The following PRKAG2 variants were observed in gnomAD, a reference collection of about 807,000 sequenced individuals.
PRKAG2 encodes 5'-AMP-activated protein kinase subunit gamma-2.
A neutral mutation model predicts 69.6 loss-of-function variants in PRKAG2; 26 were observed. That is an observed-to-expected ratio of 0.37 (90% CI 0.27 to 0.52). PRKAG2 has a LOEUF of 0.52. Ranked by LOEUF, PRKAG2 falls within the 20% of genes least tolerant of loss-of-function variation. The pLI is 0.90. For missense variants in PRKAG2, 557 were observed against 740.0 expected (o/e 0.75, Z 2.87); for synonymous variants, 293 against 285.0 (o/e 1.03, Z -0.28).
At chr7:151,862,062 G>T (rs1182469655) in intron 1 of PRKAG2, among the ~76,000 whole-genome samples, 1 of 152,006 alleles carries the variant, frequency 6.6e-6, no homozygotes, top group East Asian at 1.9e-4. Flanking sequence ...AGAGGTCCCT[G>T]AAGGGGATGA....
chr7:151,646,977 C>T (rs1827673220), intron 4 of PRKAG2, among the ~76,000 whole-genome samples: 2 of 152,148 alleles, frequency 1.3e-5, no homozygotes, highest in South Asian at 4.1e-4. Flanking sequence ...AATGCTGTTG[C>T]AGTATATATG....
chr7:151,811,873 A>T (rs998759178), intron 1 of PRKAG2, among the ~76,000 whole-genome samples: 11 of 152,196 alleles, frequency 7.2e-5, no homozygotes, highest in Non-Finnish European at 1.2e-4. Flanking sequence ...TGGAGGGACA[A>T]CTTTGGAGTT....
At position 151,787,813 on chromosome 7, in the gene PRKAG2, C is replaced by T. The variant is rs573992114; in HGVS notation, c.115-1272G>A. Among the ~76,000 whole-genome samples the T allele has an allele frequency of 7.9e-5, 12 of 152,212 alleles. No individual in the cohort carries two copies. In the South Asian group the frequency reaches 1.7e-3, roughly 21 times the overall value. On this transcript the variant is annotated intron_variant, in intron 1 of 15. Transcript: ENST00000287878. ...TGAGGTCATTAAGGTGGGCCCTAGTCCAATATGACTGGTGTCCTTCAAGGA... is the reference window on the plus strand; with the variant it reads ...TGAGGTCATTAAGGTGGGCCCTAGTTCAATATGACTGGTGTCCTTCAAGGA...
At chr7:151,837,878 TCTC>T (rs1334401260) in intron 1 of PRKAG2, among the ~76,000 whole-genome samples, 2 of 152,028 alleles carry the variant, frequency 1.3e-5, no homozygotes, top group Non-Finnish European at 2.9e-5. Flanking sequence ...CACAGCAGCT[TCTC>T]CTCCGGTAAA....
Position 151,632,122 on chromosome 7 carries a change from G to A in PRKAG2, c.701C>T (p.Ala234Val). ...APSKAAALAA[A>V]LGPAEAGMLE... ...CATGCCGGCTTCCGCGGGTCCCAGGGCCGCCGCCAGCGCCGCCTGAGGGGG... is the reference window on the plus strand; with the variant it reads ...CATGCCGGCTTCCGCGGGTCCCAGGACCGCCGCCAGCGCCGCCTGAGGGGG... The change falls in exon 5 of 16, where the codon GCC becomes GTC. Residue 234 changes from alanine (A) to valine (V), a missense_variant. Transcript: ENST00000287878. This position sits in a 1 kb window ranked among gnomAD's most constrained non-coding sequence, Gnocchi z 4.2. 2 of 1,407,988 alleles carry A rather than the reference G, an allele frequency of 1.4e-6. No homozygotes were observed. The highest frequency in any genetic ancestry group is 1.9e-6 in the Non-Finnish European group (2 of 1,067,336). 87.2% of individuals were successfully genotyped at this position (1,407,988 alleles called of 1,614,324 possible).
intron 1 of PRKAG2, among the ~76,000 whole-genome samples, chr7:151,855,268 C>T (rs2079713044): frequency 6.8e-6 from 1 of 147,188 alleles, no homozygotes; most frequent in African/African-American, 2.5e-5. Flanking sequence ...CCACACACAC[C>T]ACCCTCCACA....
chr7:151,656,381 C>A (rs561174272), intron 4 of PRKAG2, among the ~76,000 whole-genome samples: 1 of 152,092 alleles, frequency 6.6e-6, no homozygotes, highest in Non-Finnish European at 1.5e-5. Flanking sequence ...CATGGTGAAA[C>A]CCCATCTCTA....
chr7:151,836,135 GT>G lies in PRKAG2; in HGVS notation c.114+40371del, dbSNP rs1218433017. On this transcript the variant is annotated intron_variant, in intron 1 of 15. Transcript: ENST00000287878. This position sits in a 1 kb window ranked among gnomAD's most constrained non-coding sequence, Gnocchi z 4.1. ...TTCATGACCGCTTCCCATATCCTGAGTTTTGTCTTCGGCCGTGTCTTTGGAG... is the reference window on the plus strand; with the variant it reads ...TTCATGACCGCTTCCCATATCCTGAGTTTGTCTTCGGCCGTGTCTTTGGAG... Among the ~76,000 whole-genome samples the G allele has an allele frequency of 6.6e-6, 1 of 152,216 alleles. No homozygotes were observed. Among genetic ancestry groups the G allele is most frequent in the Non-Finnish European group, 1.5e-5 (1 of 68,032 alleles).
chr7:151,849,269 C>A (rs1459363684), intron 1 of PRKAG2, among the ~76,000 whole-genome samples: 1 of 152,254 alleles, frequency 6.6e-6, no homozygotes, highest in African/African-American at 2.4e-5. Context: ...TGGCAGGGCC[C>A]TGCTCCCTCC....
chr7:151,772,737 G>A (rs2076077998), intron 3 of PRKAG2, among the ~76,000 whole-genome samples: 1 of 152,004 alleles, frequency 6.6e-6, no homozygotes, highest in Non-Finnish European at 1.5e-5. Context: ...CTAAATCCCA[G>A]CACTTTGGGA....
intron 3 of PRKAG2, among the ~76,000 whole-genome samples, chr7:151,734,508 G>A (rs1277081260): frequency 6.6e-6 from 1 of 152,136 alleles, no homozygotes; most frequent in Non-Finnish European, 1.5e-5. Flanking sequence ...GGCTCTTCAG[G>A]AATAACCTAT....
chr7:151,848,512 CTTTTTTT>C (rs1158559692), intron 1 of PRKAG2, among the ~76,000 whole-genome samples: 106 of 62,210 alleles, frequency 1.7e-3, no homozygotes, highest in Non-Finnish European at 2.7e-3. Context: ...TACTGCATGT[CTTTTTTT>C]TTTTTTTTTT....
chr7:151,827,425 G>A (rs1199574550), intron 1 of PRKAG2, among the ~76,000 whole-genome samples: 1 of 152,050 alleles, frequency 6.6e-6, no homozygotes, highest in Non-Finnish European at 1.5e-5. Flanking sequence ...TTTTAGTAGA[G>A]ACAGGGTTTC....
chr7:151,626,480 T>C (rs1822932063), intron 5 of PRKAG2, among the ~76,000 whole-genome samples: 1 of 152,232 alleles, frequency 6.6e-6, no homozygotes, highest in African/African-American at 2.4e-5. Flanking sequence ...GTCTCTTATC[T>C]ACGAGGAGTG....
At position 151,633,897 on chromosome 7, in the gene PRKAG2, T is replaced by C. The variant is rs144246239; in HGVS notation, c.685-1759A>G. ...ATAAATAAGCTTATTCTAAAATTTA[T>C]ATGGAAAGGTGCAAGCTCTAGAATT... On this transcript the variant is annotated intron_variant, in intron 4 of 15. Coordinates refer to ENST00000287878, the MANE Select transcript of PRKAG2 (RefSeq NM_016203.4). Among the ~76,000 whole-genome samples the C allele has an allele frequency of 1.9e-4, 29 of 152,268 alleles. No individual in the cohort carries two copies. The East Asian group carries it at 2.7e-3, about 14-fold the overall frequency.
intron 3 of PRKAG2, among the ~76,000 whole-genome samples, chr7:151,684,234 T>C (rs1834329557): frequency 6.6e-6 from 1 of 152,130 alleles, no homozygotes; most frequent in Non-Finnish European, 1.5e-5. Flanking sequence ...TAATGACTCC[T>C]GAAACCCTGC....
At chr7:151,826,621 G>T (rs1021215393) in intron 1 of PRKAG2, among the ~76,000 whole-genome samples, 6 of 152,176 alleles carry the variant, frequency 3.9e-5, no homozygotes, top group African/African-American at 1.2e-4. Flanking sequence ...AAAAGAGCTA[G>T]GGATTTGTAT....
intron 3 of PRKAG2, among the ~76,000 whole-genome samples, chr7:151,765,847 T>C (rs2075707352): frequency 6.6e-6 from 1 of 152,208 alleles, no homozygotes; most frequent in Admixed American, 6.5e-5. Flanking sequence ...TCTTGTCTAA[T>C]TCCCCAATTA....
chr7:151,681,853 C>G (rs1396324883), intron 3 of PRKAG2, among the ~76,000 whole-genome samples: 1 of 152,076 alleles, frequency 6.6e-6, no homozygotes, highest in Non-Finnish European at 1.5e-5. Flanking sequence ...ATGAATTACT[C>G]TCCCAGAAGT....
Sources: gnomAD v4.1 joint callset for allele counts (sites outside exome capture counted in the v4.1 genomes callset) on GRCh38, gnomAD v4.1.1 for gene constraint, Gnocchi (gnomAD v3.1) non-coding constraint, MANE v1.5 for transcripts, NCBI Gene and HGNC (gene_info 2026-07-23, HGNC 2026-07-21) for gene names.